The following TLL1 variants were observed in gnomAD, a reference collection of about 807,000 sequenced individuals.
TLL1 encodes tolloid-like protein 1.
A neutral mutation model predicts 128.2 loss-of-function variants in TLL1; 49 were observed. The observed-to-expected ratio is 0.38, with a 90% CI of 0.30 to 0.48. TLL1 has a LOEUF of 0.48. Among genes scored for constraint, TLL1 ranks in the 20% least tolerant of loss-of-function variants. The probability of loss-of-function intolerance (pLI) is 0.96; values close to 1 mark genes in which losing one functional copy is unlikely to be tolerated. For missense variants in TLL1, 1,123 were observed against 1,242.0 expected (o/e 0.90, Z 1.44); for synonymous variants, 454 against 418.8 (o/e 1.08, Z -1.03).
rs539159047 is a variant in TLL1 at position 166,076,831 on chromosome 4, G to A, written c.2315-1072G>A. On this transcript the variant is annotated intron_variant, in intron 17 of 20. Coordinates refer to ENST00000061240, the MANE Select transcript of TLL1 (RefSeq NM_012464.5). The stretch of plus-strand genomic sequence containing the variant: ...ACCTTCCACTTTATTGTAATCTTCT[G>A]TTGCAAATACAAATCTCCCTGTGGA... Among the ~76,000 whole-genome samples the A allele has an allele frequency of 7.9e-5, 12 of 152,010 alleles. No homozygotes were observed. In the South Asian group the frequency reaches 2.1e-3, roughly 26 times the overall value.
chr4:165,906,100 T>C (rs1189620320), intron 1 of TLL1, among the ~76,000 whole-genome samples: 2 of 152,236 alleles, frequency 1.3e-5, no homozygotes, highest in African/African-American at 2.4e-5. Flanking sequence ...GGAACATAGC[T>C]GTGCTCATTC....
intron 15 of TLL1, among the ~76,000 whole-genome samples, chr4:166,062,704 C>A (rs1013636279): frequency 6.6e-6 from 1 of 152,050 alleles, no homozygotes; most frequent in Non-Finnish European, 1.5e-5. Context: ...ATTGAATACC[C>A]TTTATTTCTT....
At chr4:165,978,437 T>TGTG (rs1735989551) in intron 1 of TLL1, among the ~76,000 whole-genome samples, 1 of 152,072 alleles carries the variant, frequency 6.6e-6, no homozygotes, top group African/African-American at 2.4e-5. Flanking sequence ...ATAGTAAAAA[T>TGTG]GTGGGTTCTT....
At chr4:166,056,580 A>G (rs1475928527) in intron 13 of TLL1, among the ~76,000 whole-genome samples, 1 of 152,126 alleles carries the variant, frequency 6.6e-6, no homozygotes, top group East Asian at 1.9e-4. Context: ...ACCACAATCT[A>G]TTTCTTAATA....
chr4:165,942,953 A>G (rs899989941), intron 1 of TLL1, among the ~76,000 whole-genome samples: 1 of 152,056 alleles, frequency 6.6e-6, no homozygotes, highest in Non-Finnish European at 1.5e-5. Flanking sequence ...AGATATTTTC[A>G]CTGAGAATAT....
chr4:166,021,432 C>CTT (rs113942126), intron 8 of TLL1, among the ~76,000 whole-genome samples: 3,619 of 120,412 alleles, frequency 0.03, 83 homozygotes, highest in East Asian at 0.05. Flanking sequence ...TTATTTTTGC[C>CTT]TTTTTTTTTT....
intron 13 of TLL1, 70 bp from the exon 14 acceptor site, chr4:166,057,114 G>T: frequency 1.3e-6 from 2 of 1,587,818 alleles, no homozygotes; most frequent in Non-Finnish European, 1.7e-6. Flanking sequence ...TGGGGACACA[G>T]CCAAACCATT....
chr4:166,003,264 A>T, intron 5 of TLL1, 127 bp from the exon 6 acceptor site: 1 of 871,916 alleles, frequency 1.1e-6, no homozygotes, highest in Non-Finnish European at 1.9e-6. Flanking sequence ...TAGTAATAAG[A>T]GGTTGTTCTG....
At chr4:166,084,561 T>C (rs1217789092) in intron 18 of TLL1, among the ~76,000 whole-genome samples, 1 of 152,156 alleles carries the variant, frequency 6.6e-6, no homozygotes, top group African/African-American at 2.4e-5. Context: ...GGTTTTTCAA[T>C]ATGGCGTGAC....
intron 1 of TLL1, among the ~76,000 whole-genome samples, chr4:165,895,428 A>G (rs1731624873): frequency 1.3e-5 from 2 of 152,112 alleles, no homozygotes; most frequent in African/African-American, 4.8e-5. Flanking sequence ...TTTTAAGGAT[A>G]AATCTTTCAA....
chr4:166,058,321 A>G (rs1011261051), intron 14 of TLL1, among the ~76,000 whole-genome samples: 5 of 152,174 alleles, frequency 3.3e-5, no homozygotes, highest in African/African-American at 1.2e-4. Flanking sequence ...TTCTTAATAT[A>G]GTCTTTAGGT....
Position 166,038,098 on chromosome 4 carries a change from A to G in TLL1, c.1159-1241A>G, listed in dbSNP as rs1448112420. On this transcript the variant is annotated intron_variant, in intron 9 of 20. Transcript: ENST00000061240. ...TAATTAGTGCTTACCTTGATGTTAAATATTGTGTTCAAGAAAGGGGAGAAG... is the reference window on the plus strand; with the variant it reads ...TAATTAGTGCTTACCTTGATGTTAAGTATTGTGTTCAAGAAAGGGGAGAAG... Among the ~76,000 whole-genome samples, 8 of 152,290 alleles carry G rather than the reference A, an allele frequency of 5.3e-5. No homozygotes were observed. The Middle Eastern group carries it at 0.014, about 259-fold the overall frequency.
intron 1 of TLL1, among the ~76,000 whole-genome samples, chr4:165,923,182 A>T (rs537852826): frequency 6.6e-6 from 1 of 151,922 alleles, no homozygotes; most frequent in East Asian, 1.9e-4. Context: ...GGAAAATGTG[A>T]TTTTTTTTCT....
rs180799108 is a variant in TLL1 at position 165,993,845 on chromosome 4, A to G, written c.362-536A>G. On this transcript the variant is annotated intron_variant, in intron 3 of 20. Transcript: ENST00000061240. Reference sequence around the variant, plus strand: ...GAATACTGAGGAAACTGGAATGGAGATAGCTTGTTGTACGGGAGGCTGAGA... The same window carrying G: ...GAATACTGAGGAAACTGGAATGGAGGTAGCTTGTTGTACGGGAGGCTGAGA... 5.3e-3 allele frequency among the ~76,000 whole-genome samples: 800 copies of G among 152,192 alleles called. 13 individuals are homozygous for G. The highest frequency in any genetic ancestry group is 5.2e-3 in the Non-Finnish European group (351 of 67,984).
chr4:166,074,957 C>A lies in TLL1; in HGVS notation c.2268C>A (p.Cys756Ter). The A allele has an allele frequency of 1.9e-6, 3 of 1,613,582 alleles. No homozygotes were observed. The highest frequency in any genetic ancestry group is 2.5e-6 in the Non-Finnish European group (3 of 1,179,656). ...VNTMGSYMCQ[C>*]RNGFVLHDNK... ...CGATGGGGAGCTACATGTGTCAATGCCGTAATGGATTTGTGCTACATGACA... is the reference window on the plus strand; with the variant it reads ...CGATGGGGAGCTACATGTGTCAATGACGTAATGGATTTGTGCTACATGACA... Residue 756 changes from cysteine to a stop codon, truncating the protein, a stop_gained, in exon 17 of 21, where the codon TGC (cysteine) becomes TGA (stop). Transcript: ENST00000061240. LOFTEE classifies it high-confidence loss of function.
chr4:166,083,353 T>C (rs1325673209), intron 18 of TLL1, among the ~76,000 whole-genome samples: 1 of 124,150 alleles, frequency 8.1e-6, no homozygotes, highest in Non-Finnish European at 1.9e-5. Flanking sequence ...ATTTAGCTAA[T>C]TAATATATGT....
intron 19 of TLL1, among the ~76,000 whole-genome samples, chr4:166,096,904 G>A (rs1647198034): frequency 6.6e-6 from 1 of 151,976 alleles, no homozygotes; most frequent in Admixed American, 6.6e-5. Context: ...TTAAATTGTT[G>A]TTCAATTTTC....
rs1736532001 is a variant in TLL1 at position 165,989,407 on chromosome 4, G to C, written c.196G>C (p.Asp66His). ...AAVFWGDIAL[D>H]DEDLNIFQID... ...TGTATTTTGGGGCGATATTGCCTTA[G>C]ATGATGAAGACTTAAATATCTTTCA... Residue 66 changes from aspartate to histidine, a missense_variant, in exon 2 of 21, where the codon GAT becomes CAT. This residue lies in a region of TLL1 where 480 missense variants were observed against 542.4 expected (regional missense o/e 0.89). Transcript: ENST00000061240. 6.2e-7 allele frequency: 1 copy of C among 1,612,608 alleles called. No individual in the cohort carries two copies. The highest frequency in any genetic ancestry group is 1.7e-5 in the Admixed American group (1 of 59,850).
chr4:165,923,275 T>A (rs946597043), intron 1 of TLL1, among the ~76,000 whole-genome samples: 17 of 152,070 alleles, frequency 1.1e-4, no homozygotes, highest in African/African-American at 3.6e-4. Context: ...AATCAGACAT[T>A]GCTGACTTTT....
Sources: gnomAD v4.1 joint callset for allele counts (sites outside exome capture counted in the v4.1 genomes callset) on GRCh38, gnomAD v4.1.1 for gene constraint, gnomAD v4.1.1 regional missense constraint, MANE v1.5 for transcripts, NCBI Gene and HGNC (gene_info 2026-07-23, HGNC 2026-07-21) for gene names.